PLXDC2: variants seen among roughly 807,000 people sequenced by gnomAD.
The protein encoded by PLXDC2 is plexin domain containing 2.
A neutral mutation model predicts 68.9 loss-of-function variants in PLXDC2; 40 were observed. The ratio of observed to expected loss-of-function variants is 0.58; its 90% confidence interval spans 0.45 to 0.76. The LOEUF (loss-of-function observed/expected upper bound fraction) is 0.76. Ranked by LOEUF, PLXDC2 falls within the 30% of genes least tolerant of loss-of-function variation. The pLI, the probability that PLXDC2 is intolerant of heterozygous loss-of-function variation, is 0.00. For missense variants in PLXDC2, 644 were observed against 661.9 expected (o/e 0.97, Z 0.30); for synonymous variants, 243 against 234.2 (o/e 1.04, Z -0.34).
chr10:19,916,100 C>T lies in PLXDC2; in HGVS notation c.113-85675C>T, dbSNP rs770100254. Reference sequence around the variant, plus strand: ...CGCATCAACGTAGATAAAATATTTACGGGGAAATTATGTGGAGGGAGTTGT... The same window carrying T: ...CGCATCAACGTAGATAAAATATTTATGGGGAAATTATGTGGAGGGAGTTGT... On this transcript the variant is annotated intron_variant, in intron 1 of 13. Coordinates refer to ENST00000377252, the MANE Select transcript of PLXDC2 (RefSeq NM_032812.9). 4.1e-4 allele frequency among the ~76,000 whole-genome samples: 61 copies of T among 147,866 alleles called. 1 individual carries two copies. The highest frequency in any genetic ancestry group is 9.5e-4 in the Admixed American group (14 of 14,722).
chr10:19,978,947 A>C (rs563209845), intron 1 of PLXDC2, among the ~76,000 whole-genome samples: 3 of 152,334 alleles, frequency 2.0e-5, no homozygotes, highest in Non-Finnish European at 4.4e-5. Flanking sequence ...AGTAATCTTG[A>C]CTATTATTAC....
intron 1 of PLXDC2, among the ~76,000 whole-genome samples, chr10:19,974,986 G>A (rs957388834): frequency 6.6e-6 from 1 of 152,118 alleles, no homozygotes; most frequent in African/African-American, 2.4e-5. Flanking sequence ...AAAATCATAT[G>A]AACACATAGT....
intron 1 of PLXDC2, among the ~76,000 whole-genome samples, chr10:19,879,802 G>A (rs1837696710): frequency 1.3e-5 from 2 of 152,202 alleles, no homozygotes. Flanking sequence ...GATTGTGGCT[G>A]GTCAATCTGA....
chr10:19,841,875 G>A (rs1836916742), intron 1 of PLXDC2, among the ~76,000 whole-genome samples: 1 of 151,860 alleles, frequency 6.6e-6, no homozygotes, highest in Admixed American at 6.6e-5. Flanking sequence ...TACGTACATA[G>A]CAGTATGTTT....
chr10:20,189,540 T>TAC (rs1428112115), intron 9 of PLXDC2, among the ~76,000 whole-genome samples: 12 of 33,584 alleles, frequency 3.6e-4, no homozygotes, highest in East Asian at 8.8e-4. Flanking sequence ...CACACATATA[T>TAC]ATACACACAC....
In PLXDC2 at chr10:19,859,044, G is replaced by GAGAC. The variant is rs1554840502; in HGVS notation, c.112+41856_112+41857insCAGA. ...CGAGAGAGAGAGAGAGAGAGAGAGA[G>GAGAC]AGAGCGAGGGAGAGAGGAGGAGGTG... On this transcript the variant is annotated intron_variant, in intron 1 of 13. Coordinates refer to ENST00000377252, the MANE Select transcript of PLXDC2 (RefSeq NM_032812.9). Among the ~76,000 whole-genome samples, 5 of 150,718 alleles carry GAGAC rather than the reference G, an allele frequency of 3.3e-5. 1 individual carries two copies. Among genetic ancestry groups the GAGAC allele is most frequent in the African/African-American group, 1.2e-4 (5 of 40,872 alleles).
At chr10:20,109,150 C>T (rs1170396020) in intron 4 of PLXDC2, among the ~76,000 whole-genome samples, 1 of 152,136 alleles carries the variant, frequency 6.6e-6, no homozygotes, top group African/African-American at 2.4e-5. Flanking sequence ...ATTTATTTGT[C>T]TTTGTGAAAT....
intron 12 of PLXDC2, among the ~76,000 whole-genome samples, chr10:20,226,719 GCA>G (rs1350955746): frequency 1.3e-5 from 2 of 152,156 alleles, no homozygotes; most frequent in Non-Finnish European, 2.9e-5. Context: ...CTTAGGAAAT[GCA>G]CACAGATGGC....
At chr10:19,860,165 A>G (rs1210471194) in intron 1 of PLXDC2, among the ~76,000 whole-genome samples, 1 of 152,106 alleles carries the variant, frequency 6.6e-6, no homozygotes, top group Non-Finnish European at 1.5e-5. Flanking sequence ...TTTTTTCCCC[A>G]AGGGGGTCTG....
chr10:20,092,077 C>T (rs1010652157), intron 4 of PLXDC2, among the ~76,000 whole-genome samples: 12 of 152,032 alleles, frequency 7.9e-5, no homozygotes, highest in Admixed American at 3.3e-4. Flanking sequence ...CCTATTATAT[C>T]CTAGGGAACT....
chr10:19,823,677 A>T (rs1309464672), intron 1 of PLXDC2, among the ~76,000 whole-genome samples: 1 of 152,024 alleles, frequency 6.6e-6, no homozygotes, highest in Non-Finnish European at 1.5e-5. Context: ...TCTCAAAAAA[A>T]AAAAAATTCT....
At chr10:19,946,725 G>A (rs1248627466) in intron 1 of PLXDC2, among the ~76,000 whole-genome samples, 1 of 152,008 alleles carries the variant, frequency 6.6e-6, no homozygotes, top group African/African-American at 2.4e-5. Flanking sequence ...TCCCATCGGT[G>A]GGTGATGGGA....
At chr10:20,224,594 A>T (rs971309600) in intron 12 of PLXDC2, among the ~76,000 whole-genome samples, 4 of 152,300 alleles carry the variant, frequency 2.6e-5, no homozygotes, top group African/African-American at 7.2e-5. Context: ...AAGTTGAATC[A>T]ATGGCAGGAT....
At chr10:20,251,301 C>T (rs1291518172) in intron 13 of PLXDC2, among the ~76,000 whole-genome samples, 1 of 152,116 alleles carries the variant, frequency 6.6e-6, no homozygotes, top group Non-Finnish European at 1.5e-5. Flanking sequence ...AAATCTATCA[C>T]ATTATGTACA....
chr10:19,842,369 T>C (rs544530486), intron 1 of PLXDC2, among the ~76,000 whole-genome samples: 1 of 152,258 alleles, frequency 6.6e-6, no homozygotes, highest in Non-Finnish European at 1.5e-5. Flanking sequence ...AGGCATATAA[T>C]ACTCACCGGT....
chr10:19,894,514 T>C (rs1306205707), intron 1 of PLXDC2, among the ~76,000 whole-genome samples: 4 of 152,210 alleles, frequency 2.6e-5, no homozygotes, highest in Non-Finnish European at 4.4e-5. Context: ...TACTTTTCTT[T>C]TTTACTTGAA....
At chr10:20,096,105 C>T (rs1001472160) in intron 4 of PLXDC2, among the ~76,000 whole-genome samples, 3 of 152,066 alleles carry the variant, frequency 2.0e-5, no homozygotes, top group African/African-American at 7.2e-5. Context: ...TGGAATACTT[C>T]CGGAATGCTG....
At position 20,280,711 on chromosome 10, in the gene PLXDC2, A is replaced by G. The variant is rs1451855753; in HGVS notation, c.*892A>G. 6.6e-6 allele frequency: 1 copy of G among 152,126 alleles called. No individual in the cohort carries two copies. Among genetic ancestry groups the G allele is most frequent in the African/African-American group, 2.4e-5 (1 of 41,426 alleles). 9.4% of individuals were successfully genotyped at this position (152,126 alleles called of 1,614,324 possible). ...AGGAAACAGTATGAAGAGTTCCTTA[A>G]TCATTTTTGAAACAAAAATGTTAAG... On this transcript the variant is annotated 3_prime_UTR_variant, in exon 14 of 14. Transcript: ENST00000377252.
intron 1 of PLXDC2, among the ~76,000 whole-genome samples, chr10:19,925,266 A>G (rs554608600): frequency 1.3e-5 from 2 of 152,284 alleles, no homozygotes; most frequent in South Asian, 4.1e-4. Flanking sequence ...ACACCAGTGA[A>G]TTTATCACCT....
Sources: gnomAD v4.1 joint callset for allele counts (sites outside exome capture counted in the v4.1 genomes callset) on GRCh38, gnomAD v4.1.1 for gene constraint, MANE v1.5 for transcripts, NCBI Gene and HGNC (gene_info 2026-07-23, HGNC 2026-07-21) for gene names.